FRMD6: variants seen among roughly 807,000 people sequenced by gnomAD.
The protein encoded by FRMD6 is FERM domain-containing protein 6.
A neutral mutation model predicts 73.2 loss-of-function variants in FRMD6; 37 were observed. The observed-to-expected ratio is 0.51, with a 90% CI of 0.39 to 0.66. The LOEUF (loss-of-function observed/expected upper bound fraction) is 0.66. FRMD6 is among the 30% of genes least tolerant of loss of function. FRMD6 has a pLI of 0.00. For synonymous variants in FRMD6, 273 were observed against 282.2 expected (o/e 0.97, Z 0.33); for missense variants, 714 against 780.5 (o/e 0.91, Z 1.02).
chr14:51,670,220 A>C (rs1229961375), intron 1 of FRMD6, among the ~76,000 whole-genome samples: 1 of 152,110 alleles, frequency 6.6e-6, no homozygotes, highest in South Asian at 2.1e-4. Context: ...GACCACAGGC[A>C]TGCACCACCA....
the FRMD6 span, among the ~76,000 whole-genome samples, chr14:51,473,974 C>G: frequency 6.6e-6 from 1 of 152,280 alleles, no homozygotes; most frequent in African/African-American, 2.4e-5. Context: ...ATTTATTGAG[C>G]ACGTATCACA....
Position 51,660,627 on chromosome 14 carries a change from A to AC in FRMD6, c.-147+8631_-147+8632insC, listed in dbSNP as rs925490803. Among the ~76,000 whole-genome samples the AC allele has an allele frequency of 9.9e-5, 15 of 151,924 alleles. 1 individual carries two copies. Among genetic ancestry groups the AC allele is most frequent in the African/African-American group, 3.4e-4 (14 of 41,468 alleles). ...ATAAAATAAAGGAAAAAAAAAAAAA[A>AC]AAAATTCTGCCTTCGTGGACCTTAT... On this transcript the variant is annotated intron_variant, in intron 1 of 13. Transcript: ENST00000344768.
intron 1 of FRMD6, among the ~76,000 whole-genome samples, chr14:51,524,215 C>T (rs564521125): frequency 3.9e-5 from 6 of 152,220 alleles, no homozygotes; most frequent in African/African-American, 1.4e-4. Flanking sequence ...GTCCTTTGGG[C>T]AAGTGGGTTT....
chr14:51,452,105 G>A, the FRMD6 span, among the ~76,000 whole-genome samples: 5 of 152,338 alleles, frequency 3.3e-5, no homozygotes, highest in South Asian at 1.0e-3. Flanking sequence ...AAAACTGACA[G>A]TAGAGAGAAT....
At chr14:51,724,987 G>A (rs897127984) in intron 12 of FRMD6, among the ~76,000 whole-genome samples, 3 of 152,068 alleles carry the variant, frequency 2.0e-5, no homozygotes, top group African/African-American at 7.3e-5. Flanking sequence ...GCTTAGGTTA[G>A]GTGCTCTGTT....
chr14:51,423,809 T>C, the FRMD6 span, among the ~76,000 whole-genome samples: 3 of 152,194 alleles, frequency 2.0e-5, no homozygotes, highest in Non-Finnish European at 4.4e-5. Context: ...CCACACTTCT[T>C]AGGGCTTTAG....
At chr14:51,671,159 T>G (rs1893978734) in intron 1 of FRMD6, among the ~76,000 whole-genome samples, 1 of 152,202 alleles carries the variant, frequency 6.6e-6, no homozygotes, top group South Asian at 2.1e-4. Context: ...ATACCAAATT[T>G]TGTTAGGAAT....
At chr14:51,442,478 C>T in the FRMD6 span, among the ~76,000 whole-genome samples, 2 of 152,196 alleles carry the variant, frequency 1.3e-5, no homozygotes, top group Admixed American at 6.5e-5. Context: ...GGGAAGGCTA[C>T]TCTTGAGTCT....
At position 51,606,469 on chromosome 14, in the gene FRMD6, G is replaced by C. The variant is rs183508098; in HGVS notation, c.-147+36059G>C. Among the ~76,000 whole-genome samples the C allele has an allele frequency of 1.4e-4, 22 of 152,220 alleles. No individual in the cohort carries two copies. In the East Asian group the frequency reaches 3.9e-3, roughly 27 times the overall value. ...GGCCTTTTCCAAGGAACAATCTCTA[G>C]TCCCCAGCCCTCTCCCATCACCTCT... is the stretch of plus-strand genomic sequence containing the variant. On this transcript the variant is annotated intron_variant, in intron 2 of 14. Transcript: ENST00000356218.
At chr14:51,428,904 A>T in the FRMD6 span, among the ~76,000 whole-genome samples, 1 of 144,886 alleles carries the variant, frequency 6.9e-6, no homozygotes, top group Non-Finnish European at 1.5e-5. Context: ...ATATTCCCTG[A>T]GGCTACATGG....
intron 2 of FRMD6, among the ~76,000 whole-genome samples, chr14:51,591,603 C>T (rs138320653): frequency 1.4e-4 from 22 of 152,258 alleles, no homozygotes; most frequent in East Asian, 9.6e-4. Flanking sequence ...AGTGCAGTGG[C>T]GCAATCTCAG....
the FRMD6 span, among the ~76,000 whole-genome samples, chr14:51,412,488 GAGA>G: frequency 3.3e-5 from 5 of 150,028 alleles, no homozygotes; most frequent in South Asian, 2.1e-4. Context: ...TTTCATGTAA[GAGA>G]GGGGGAGGGA....
At chr14:51,611,143 A>G (rs1220343317) in intron 2 of FRMD6, among the ~76,000 whole-genome samples, 1 of 152,216 alleles carries the variant, frequency 6.6e-6, no homozygotes, top group Non-Finnish European at 1.5e-5. Context: ...CAAGCCAGGA[A>G]TCTCTTTGGA....
chr14:51,459,354 C>T, the FRMD6 span, among the ~76,000 whole-genome samples: 1 of 151,944 alleles, frequency 6.6e-6, no homozygotes. Flanking sequence ...TAGGCCCTCC[C>T]TCACTAACTT....
chr14:51,444,479 T>C, the FRMD6 span, among the ~76,000 whole-genome samples: 1 of 152,228 alleles, frequency 6.6e-6, no homozygotes, highest in Non-Finnish European at 1.5e-5. Flanking sequence ...CTGTTTTCCC[T>C]GGACAGTCTG....
chr14:51,475,455 G>C, the FRMD6 span, among the ~76,000 whole-genome samples: 4 of 152,188 alleles, frequency 2.6e-5, no homozygotes, highest in South Asian at 2.1e-4. Context: ...ACTTCAGAGA[G>C]TGTTCTTAGC....
intron 2 of FRMD6, among the ~76,000 whole-genome samples, chr14:51,581,025 C>A (rs1233756755): frequency 6.6e-6 from 1 of 152,072 alleles, no homozygotes; most frequent in Non-Finnish European, 1.5e-5. Context: ...TTAAATAAAA[C>A]AGAAAAGATG....
chr14:51,434,109 G>A, the FRMD6 span, among the ~76,000 whole-genome samples: 11 of 152,172 alleles, frequency 7.2e-5, no homozygotes, highest in Non-Finnish European at 1.3e-4. Context: ...GGAAGGGGGA[G>A]GAAGCTAGAA....
intron 1 of FRMD6, among the ~76,000 whole-genome samples, chr14:51,569,962 T>C (rs755394447): frequency 4.6e-4 from 70 of 152,044 alleles, no homozygotes; most frequent in Admixed American, 1.1e-3. Flanking sequence ...ACTACAGGTG[T>C]GCGCCACCAC....
Sources: allele counts gnomAD v4.1 joint callset (sites outside exome capture counted in the v4.1 genomes callset), GRCh38; gene constraint gnomAD v4.1.1; transcripts MANE v1.5; gene names NCBI Gene and HGNC (gene_info 2026-07-23, HGNC 2026-07-21).